Variants in TXNDC11 observed in about 807,000 individuals in gnomAD.
The protein encoded by TXNDC11 is thioredoxin domain-containing protein 11.
Under a neutral mutation model 78.0 loss-of-function variants are expected in TXNDC11, and 68 were observed. The ratio of observed to expected loss-of-function variants is 0.87; its 90% confidence interval spans 0.72 to 1.07. TXNDC11 has a LOEUF of 1.07. Among genes scored for constraint, TXNDC11 ranks in the 50% least tolerant of loss-of-function variants. The pLI, the probability that TXNDC11 is intolerant of heterozygous loss-of-function variation, is 0.00. For missense variants in TXNDC11, 1,389 were observed against 1,221.8 expected (o/e 1.14, Z -2.04); for synonymous variants, 571 against 495.2 (o/e 1.15, Z -2.03).
At chr16:11,734,574 G>A (rs1567351368) in intron 2 of TXNDC11, among the ~76,000 whole-genome samples, 1 of 152,132 alleles carries the variant, frequency 6.6e-6, no homozygotes, top group Non-Finnish European at 1.5e-5. Flanking sequence ...ATTGGCATGG[G>A]GCCTGGCACA....
rs1270308277 is a variant in TXNDC11, at chr16:11,736,098, G to A, written c.390C>T (p.Leu130=). ...GTCCACACCAAGGGGCATAGAAGAA[G>A]AGCAGTACCACCTCTGAATCCCGTC... ...YVRRDSEVVL[L]FFYAPWCGQS... The change falls in exon 2 of 12, where the codon CTC becomes CTT. Residue 130 remains leucine, a synonymous_variant. Coordinates refer to ENST00000283033, the MANE Select transcript of TXNDC11 (RefSeq NM_015914.7). 7.4e-6 allele frequency: 12 copies of A among 1,614,170 alleles called. No homozygotes were observed. The highest frequency in any genetic ancestry group is 4.5e-5 in the East Asian group (2 of 44,880).
At chr16:11,687,492 C>A (rs1177297006) in intron 10 of TXNDC11, among the ~76,000 whole-genome samples, 1 of 152,180 alleles carries the variant, frequency 6.6e-6, no homozygotes, top group African/African-American at 2.4e-5. Context: ...TAAACCAGGG[C>A]TGGTGGAGAG....
chr16:11,682,902 AATAG>A (rs1305016801), intron 11 of TXNDC11, among the ~76,000 whole-genome samples: 10 of 152,364 alleles, frequency 6.6e-5, no homozygotes, highest in Admixed American at 2.0e-4. Flanking sequence ...GGAATGATTC[AATAG>A]ATATGAAGGA....
chr16:11,726,721 G>A (rs2051889698), intron 4 of TXNDC11, among the ~76,000 whole-genome samples: 1 of 151,518 alleles, frequency 6.6e-6, no homozygotes, highest in Non-Finnish European at 1.5e-5. Flanking sequence ...TCTAACAATA[G>A]AATAAGCATA....
At chr16:11,717,638 G>GTTTGACAAGTTTGCGTTAA (rs1567332718) in intron 5 of TXNDC11, among the ~76,000 whole-genome samples, 32 of 151,844 alleles carry the variant, frequency 2.1e-4, no homozygotes, top group African/African-American at 7.3e-4. Context: ...TGGCCAACAT[G>GTTTGACAAGTTTGCGTTAA]GTGAAACCCC....
At position 11,698,300 on chromosome 16, in the gene TXNDC11, T is replaced by C. The variant is rs1473369877; in HGVS notation, c.932A>G (p.Tyr311Cys). The change falls in exon 7 of 12, where the codon TAC becomes TGC. Residue 311 changes from tyrosine to cysteine, a missense_variant. Physicochemically the swap from Tyr to Cys is radical, Grantham distance 194. Transcript: ENST00000283033. ...CCACTTACAGATGTTCTCAGCTGTG[T>C]AGTTCAGGACCTCCCTGGGGAAGAC... ...SLVFPREVLN[Y>C]TAENICKWAL... 7 of 1,613,638 alleles carry C rather than the reference T, an allele frequency of 4.3e-6. No homozygotes were observed. Among genetic ancestry groups the C allele is most frequent in the Non-Finnish European group, 5.1e-6 (6 of 1,180,030 alleles).
chr16:11,733,567 T>C (rs1006355715), intron 3 of TXNDC11, among the ~76,000 whole-genome samples: 9 of 152,118 alleles, frequency 5.9e-5, no homozygotes, highest in African/African-American at 1.4e-4. Flanking sequence ...TGTGTACTTG[T>C]AGTAATTTTC....
chr16:11,735,103 A>C (rs779913940), intron 2 of TXNDC11, among the ~76,000 whole-genome samples: 4 of 152,220 alleles, frequency 2.6e-5, no homozygotes, highest in Non-Finnish European at 5.9e-5. Context: ...GTGTTCACTG[A>C]ATTTTTCAGG....
chr16:11,701,071 T>C (rs1425363389), intron 5 of TXNDC11, among the ~76,000 whole-genome samples: 4 of 151,996 alleles, frequency 2.6e-5, no homozygotes, highest in African/African-American at 9.7e-5. Flanking sequence ...TTATAGCACT[T>C]ATTAACATTT....
At chr16:11,690,567 T>C (rs527293710) in intron 8 of TXNDC11, among the ~76,000 whole-genome samples, 2 of 152,298 alleles carry the variant, frequency 1.3e-5, no homozygotes, top group African/African-American at 4.8e-5. Flanking sequence ...GCTCTCTTTT[T>C]TTGGAGACGG....
At chr16:11,683,570 A>G (rs940890006) in intron 11 of TXNDC11, among the ~76,000 whole-genome samples, 1 of 127,012 alleles carries the variant, frequency 7.9e-6, no homozygotes, top group Non-Finnish European at 1.9e-5. Flanking sequence ...AGCCAGGGCA[A>G]CAGAAGAATC....
chr16:11,726,063 A>C (rs1352412687), intron 4 of TXNDC11, among the ~76,000 whole-genome samples: 1 of 152,090 alleles, frequency 6.6e-6, no homozygotes, highest in East Asian at 1.9e-4. Flanking sequence ...ATTTTGTTAT[A>C]GACACAGGGT....
intron 5 of TXNDC11, among the ~76,000 whole-genome samples, chr16:11,710,609 G>A (rs2051322447): frequency 6.6e-6 from 1 of 152,190 alleles, no homozygotes; most frequent in Non-Finnish European, 1.5e-5. Context: ...CAGCACTTTG[G>A]GAGGCCAAGG....
Position 11,679,329 on chromosome 16 carries a change from C to T in TXNDC11, c.2743G>A (p.Ala915Thr), listed in dbSNP as rs776820584. 1 of 1,612,676 alleles carries T rather than the reference C, an allele frequency of 6.2e-7. No homozygotes were observed. Among genetic ancestry groups the T allele is most frequent in the South Asian group, 1.1e-5 (1 of 91,002 alleles). ...TTGGGGTGGACCTCTCTCTGGGCCG[C>T]CAGGCTTTCAGCTCCATCCCTGCCC... Reference protein sequence around the residue: ...LEGRDGAESLAAQREVHPKQP... With the variant: ...LEGRDGAESLTAQREVHPKQP... Residue 915 changes from alanine to threonine, a missense_variant, in exon 12 of 12, where the codon GCG becomes ACG. Physicochemically the swap from Ala to Thr is moderately conservative, Grantham distance 58 (BLOSUM62 0). Coordinates refer to ENST00000283033, the MANE Select transcript of TXNDC11 (RefSeq NM_015914.7). This position sits in a 1 kb window ranked among gnomAD's most constrained non-coding sequence, Gnocchi z 4.6.
chr16:11,734,940 T>C (rs2052177289), intron 2 of TXNDC11, among the ~76,000 whole-genome samples: 2 of 152,218 alleles, frequency 1.3e-5, no homozygotes, highest in Admixed American at 6.5e-5. Flanking sequence ...GATGTCCTGC[T>C]ACACTCAAAC....
chr16:11,742,652 G>GCC lies in TXNDC11; in HGVS notation c.78_79insGG (p.Pro27GlyfsTer65). On this transcript the variant is annotated frameshift_variant, in exon 1 of 12. Transcript: ENST00000283033. LOFTEE classifies it high-confidence loss of function. Reference sequence around the variant, plus strand: ...GAGCTGAGGCAGTCTGAGCCCGCGGGGCCGCCGCCGCCCCCTCCCTCGTCC... The same window carrying GCC: ...GAGCTGAGGCAGTCTGAGCCCGCGGGCCGCCGCCGCCGCCCCCTCCCTCGTCC... The GCC allele has an allele frequency of 3.4e-6, 5 of 1,457,854 alleles. No individual in the cohort carries two copies. The highest frequency in any genetic ancestry group is 9.0e-7 in the Non-Finnish European group (1 of 1,110,784). The allele number at this position is 1,457,854 out of a possible 1,614,324, so 90.3% of individuals were successfully genotyped here. A position where few individuals can be genotyped will look rare whatever the true frequency, so the allele number is the denominator to read the frequency against.
At chr16:11,716,902 C>G (rs973293402) in intron 5 of TXNDC11, among the ~76,000 whole-genome samples, 1 of 151,884 alleles carries the variant, frequency 6.6e-6, no homozygotes, top group Non-Finnish European at 1.5e-5. Flanking sequence ...GAAATAGACC[C>G]AAATCCATGG....
intron 5 of TXNDC11, among the ~76,000 whole-genome samples, chr16:11,713,837 T>C (rs1038125114): frequency 5.3e-5 from 8 of 151,664 alleles, no homozygotes; most frequent in Middle Eastern, 3.2e-3. Context: ...TGACAACAAA[T>C]GAAATTACCC....
At chr16:11,728,375 C>T (rs528398119) in intron 4 of TXNDC11, among the ~76,000 whole-genome samples, 2 of 152,282 alleles carry the variant, frequency 1.3e-5, no homozygotes, top group East Asian at 1.9e-4. Flanking sequence ...ATCTCAGTGA[C>T]AAGCCCAGCA....
Sources: allele counts gnomAD v4.1 joint callset (sites outside exome capture counted in the v4.1 genomes callset), GRCh38; gene constraint gnomAD v4.1.1; non-coding constraint Gnocchi (gnomAD v3.1); transcripts MANE v1.5; gene names NCBI Gene and HGNC (gene_info 2026-07-23, HGNC 2026-07-21).